Variants in NUBPL observed in about 807,000 individuals in gnomAD.
NUBPL encodes the protein iron-sulfur cluster transfer protein NUBPL.
Under a neutral mutation model 45.7 loss-of-function variants are expected in NUBPL, and 31 were observed. The ratio of observed to expected loss-of-function variants is 0.68; its 90% CI spans 0.51 to 0.92. The LOEUF (loss-of-function observed/expected upper bound fraction) is 0.92. NUBPL is among the 40% of genes least tolerant of loss of function. NUBPL has a pLI of 0.00. For synonymous variants in NUBPL, 144 were observed against 140.9 expected (o/e 1.02, Z -0.15); for missense variants, 401 against 398.7 (o/e 1.01, Z -0.05).
chr14:31,629,199 A>C (rs1214684141), intron 4 of NUBPL, among the ~76,000 whole-genome samples: 1 of 152,166 alleles, frequency 6.6e-6, no homozygotes, highest in Admixed American at 6.5e-5. Context: ...CTTTAATCAA[A>C]AGTCAGAATT....
chr14:31,847,892 A>G (rs573518664), intron 9 of NUBPL, among the ~76,000 whole-genome samples: 1 of 152,330 alleles, frequency 6.6e-6, no homozygotes, highest in East Asian at 1.9e-4. Context: ...TTAACCCAGA[A>G]AGTTCAATTT....
At chr14:31,725,813 G>A (rs762106716) in intron 6 of NUBPL, among the ~76,000 whole-genome samples, 17 of 137,320 alleles carry the variant, frequency 1.2e-4, no homozygotes, top group Non-Finnish European at 2.3e-4. Context: ...GGGTTTAAAC[G>A]ATTTTCCTGC....
intron 4 of NUBPL, among the ~76,000 whole-genome samples, chr14:31,651,694 C>T (rs12883742): frequency 3.3e-5 from 5 of 151,894 alleles, no homozygotes; most frequent in South Asian, 2.1e-4. Flanking sequence ...GTCAGGAGAT[C>T]GAGACAATCC....
chr14:31,798,922 A>T (rs540151711), intron 7 of NUBPL, among the ~76,000 whole-genome samples: 3 of 152,000 alleles, frequency 2.0e-5, no homozygotes, highest in Admixed American at 2.0e-4. Context: ...CAGACTTGTA[A>T]GGATCAAATA....
intron 6 of NUBPL, among the ~76,000 whole-genome samples, chr14:31,727,802 A>G (rs946866843): frequency 6.6e-6 from 1 of 152,192 alleles, no homozygotes; most frequent in Non-Finnish European, 1.5e-5. Flanking sequence ...TGCTTGTATT[A>G]TATTTTAATT....
At chr14:31,652,452 C>T (rs1386909549) in intron 4 of NUBPL, among the ~76,000 whole-genome samples, 1 of 152,046 alleles carries the variant, frequency 6.6e-6, no homozygotes, top group African/African-American at 2.4e-5. Flanking sequence ...TAAGTGTTCT[C>T]ACCACAAAAA....
intron 4 of NUBPL, among the ~76,000 whole-genome samples, chr14:31,600,851 T>A (rs1218010043): frequency 2.0e-5 from 3 of 151,742 alleles, no homozygotes; most frequent in Non-Finnish European, 2.9e-5. Flanking sequence ...TGAATGGTAA[T>A]GCCTAGGTTT....
chr14:31,562,391 A>G (rs1256008558), intron 2 of NUBPL, among the ~76,000 whole-genome samples, 176 bp downstream of exon 2: 1 of 152,186 alleles, frequency 6.6e-6, no homozygotes. Flanking sequence ...GTTAGACAAA[A>G]GTAGGTACTA....
chr14:31,700,344 C>A (rs191030693), intron 6 of NUBPL, among the ~76,000 whole-genome samples: 1 of 152,146 alleles, frequency 6.6e-6, no homozygotes, highest in Non-Finnish European at 1.5e-5. Flanking sequence ...ATTAGTAGTT[C>A]AGTAGACTAG....
chr14:31,709,786 A>ATTG (rs2037530486), intron 6 of NUBPL, among the ~76,000 whole-genome samples: 4 of 152,190 alleles, frequency 2.6e-5, no homozygotes, highest in Non-Finnish European at 4.4e-5. Context: ...GACATAACCG[A>ATTG]TAGCCCAGGG....
At chr14:31,579,077 T>C (rs2033794977) in intron 3 of NUBPL, among the ~76,000 whole-genome samples, 1 of 152,194 alleles carries the variant, frequency 6.6e-6, no homozygotes, top group Non-Finnish European at 1.5e-5. Flanking sequence ...GTTTCACTTT[T>C]TTCTGAGTAG....
intron 7 of NUBPL, among the ~76,000 whole-genome samples, chr14:31,809,170 G>A (rs966503717): frequency 1.3e-5 from 2 of 151,992 alleles, no homozygotes; most frequent in African/African-American, 4.8e-5. Flanking sequence ...TTCTTCTGAT[G>A]GGAATAGTTT....
intron 6 of NUBPL, among the ~76,000 whole-genome samples, chr14:31,762,762 A>G (rs2038839720): frequency 6.6e-6 from 1 of 150,518 alleles, no homozygotes; most frequent in Non-Finnish European, 1.5e-5. Flanking sequence ...CCTTCCTTGA[A>G]GGCAAGAATA....
intron 8 of NUBPL, among the ~76,000 whole-genome samples, chr14:31,842,819 A>G (rs2040397348): frequency 6.6e-6 from 1 of 152,136 alleles, no homozygotes; most frequent in African/African-American, 2.4e-5. Context: ...AAATATATTT[A>G]TTAATAAGTT....
chr14:31,703,152 G>C (rs2037374898), intron 6 of NUBPL: 1 of 152,236 alleles, frequency 6.6e-6, no homozygotes, highest in Non-Finnish European at 1.5e-5. Context: ...AGAGCAGGAG[G>C]AAAGAAAGGA....
At chr14:31,714,816 T>C (rs959963540) in intron 6 of NUBPL, 2 of 152,174 alleles carry the variant, frequency 1.3e-5, no homozygotes, top group African/African-American at 4.8e-5. Flanking sequence ...AAATAATAAA[T>C]GCCCTAATAG....
intron 6 of NUBPL, among the ~76,000 whole-genome samples, chr14:31,693,293 C>T (rs61997371): frequency 0.02 from 3,013 of 152,240 alleles, 38 homozygotes; most frequent in Admixed American, 0.028. Flanking sequence ...TGGATATATT[C>T]AGCCTCTTAA....
chr14:31,708,974 T>C (rs2037512805), intron 6 of NUBPL, among the ~76,000 whole-genome samples: 1 of 152,198 alleles, frequency 6.6e-6, no homozygotes, highest in Admixed American at 6.5e-5. Context: ...GCCTGCTCCA[T>C]TTTCTGTCCT....
intron 6 of NUBPL, among the ~76,000 whole-genome samples, chr14:31,675,042 C>A (rs2036660624): frequency 6.6e-6 from 1 of 151,168 alleles, no homozygotes; most frequent in African/African-American, 2.4e-5. Flanking sequence ...GAGGCTGAGG[C>A]AGGAGAATGG....
Sources: gnomAD v4.1 joint callset for allele counts (sites outside exome capture counted in the v4.1 genomes callset) on GRCh38, gnomAD v4.1.1 for gene constraint, MANE v1.5 for transcripts, NCBI Gene and HGNC (gene_info 2026-07-23, HGNC 2026-07-21) for gene names.